MSL2: variants seen among roughly 807,000 people sequenced by gnomAD.
MSL2 encodes the protein E3 ubiquitin-protein ligase MSL2.
MSL2 carries 2 observed loss-of-function variants against 35.8 expected under a neutral mutation model. The ratio of observed to expected loss-of-function variants is 0.06; its 90% CI spans 0.02 to 0.18. MSL2 has a LOEUF of 0.18. Ranked by LOEUF, MSL2 falls within the 10% of genes least tolerant of loss-of-function variation. The pLI, the probability that MSL2 is intolerant of heterozygous loss-of-function variation, is 1.00. For missense variants in MSL2, 523 were observed against 706.7 expected, an observed-to-expected ratio of 0.74 and a Z score of 2.95; for synonymous variants, 296 against 255.7, an observed-to-expected ratio of 1.16 and a Z score of -1.50.
At chr3:136,174,855 G>A in intron 1 of MSL2, among the ~76,000 whole-genome samples, 1 of 152,230 alleles carries the variant, frequency 6.6e-6, no homozygotes, top group Middle Eastern at 3.4e-3. Context: ...TATTAAATGT[G>A]TATGCATAAT....
rs111827615 is a variant in MSL2, at chr3:136,152,263, A to G, written c.618T>C (p.Gly206=). ...TYNGLSIDRF[G]INIPSPEHSN... ...AATGTTCAGGTGAAGGAATATTTAT[A>G]CCAAATCTATCTATTGAAAGCCCAT... is the stretch of plus-strand genomic sequence containing the variant. Residue 206 remains glycine (G), a synonymous_variant, in exon 2 of 2, where the codon GGT becomes GGC. Transcript: ENST00000309993. 91 of 1,614,088 alleles carry G rather than the reference A, an allele frequency of 5.6e-5. 1 individual carries two copies. The African/African-American group carries it at 9.6e-4, about 17-fold the overall frequency.
intron 1 of MSL2, among the ~76,000 whole-genome samples, chr3:136,192,917 T>A (rs1280338963): frequency 6.6e-6 from 1 of 152,180 alleles, no homozygotes; most frequent in Admixed American, 6.6e-5. Flanking sequence ...ATTTTTTTTC[T>A]ATGTCTTTAT....
In MSL2 at chr3:136,195,147, A is replaced by G; in HGVS notation, c.-34T>C. The G allele has an allele frequency of 6.4e-7, 1 of 1,568,794 alleles. No individual in the cohort carries two copies. Among genetic ancestry groups the G allele is most frequent in the Non-Finnish European group, 8.6e-7 (1 of 1,159,502 alleles). On this transcript the variant is annotated 5_prime_UTR_variant, in exon 1 of 2. Coordinates refer to ENST00000309993, the MANE Select transcript of MSL2 (RefSeq NM_018133.4). ...CTTCGACACCAATGGCTCCCGGTTG[A>G]AAAGAAATTCCGGATCCAACTTAGT...
chr3:136,162,061 C>A (rs1047829931), intron 1 of MSL2, among the ~76,000 whole-genome samples: 1 of 151,720 alleles, frequency 6.6e-6, no homozygotes, highest in Non-Finnish European at 1.5e-5. Flanking sequence ...CCTCAGTCTC[C>A]CGAGTAGCTG....
intron 1 of MSL2, among the ~76,000 whole-genome samples, chr3:136,166,547 T>C (rs1226273230): frequency 6.6e-6 from 1 of 152,174 alleles, no homozygotes; most frequent in Non-Finnish European, 1.5e-5. Context: ...ATCATTCAAA[T>C]AATTACAGTA....
At chr3:136,177,525 C>A (rs1202658368) in intron 1 of MSL2, among the ~76,000 whole-genome samples, 1 of 151,250 alleles carries the variant, frequency 6.6e-6, no homozygotes, top group Non-Finnish European at 1.5e-5. Context: ...ATACAAAAAA[C>A]AAAATTAGCC....
intron 1 of MSL2, among the ~76,000 whole-genome samples, chr3:136,156,443 G>T (rs1939524746): frequency 6.6e-6 from 1 of 152,174 alleles, no homozygotes; most frequent in Non-Finnish European, 1.5e-5. Flanking sequence ...GGAAAGGCAA[G>T]TTTCCATCAT....
At chr3:136,190,964 C>G (rs1181772324) in intron 1 of MSL2, among the ~76,000 whole-genome samples, 2 of 152,148 alleles carry the variant, frequency 1.3e-5, no homozygotes, top group African/African-American at 4.8e-5. Context: ...AATTGAAAAA[C>G]AAGCAGTGAT....
intron 1 of MSL2, among the ~76,000 whole-genome samples, chr3:136,186,024 C>CA (rs1940512597): frequency 6.6e-6 from 1 of 152,138 alleles, no homozygotes; most frequent in African/African-American, 2.4e-5. Context: ...ATATTTAGCT[C>CA]AATTACCACA....
chr3:136,163,312 G>A (rs1939760675), intron 1 of MSL2, among the ~76,000 whole-genome samples: 1 of 152,114 alleles, frequency 6.6e-6, no homozygotes, highest in Non-Finnish European at 1.5e-5. Flanking sequence ...AATTTCAACT[G>A]GACTTAACAC....
intron 1 of MSL2, among the ~76,000 whole-genome samples, chr3:136,159,640 G>A (rs967348987): frequency 6.6e-6 from 1 of 151,464 alleles, no homozygotes; most frequent in Non-Finnish European, 1.5e-5. Flanking sequence ...AAAGTGCTGC[G>A]ATTACAGGCG....
intron 1 of MSL2, chr3:136,194,359 A>G (rs1940774812): frequency 2.5e-5 from 24 of 968,320 alleles, no homozygotes; most frequent in Non-Finnish European, 2.8e-5. Context: ...AGTATATTAA[A>G]CCACAAAATG....
chr3:136,178,293 C>T (rs1940239432), intron 1 of MSL2, among the ~76,000 whole-genome samples: 1 of 152,138 alleles, frequency 6.6e-6, no homozygotes. Context: ...AAAATTATTA[C>T]CTATAAGATA....
chr3:136,175,322 C>A (rs868774266), intron 1 of MSL2, among the ~76,000 whole-genome samples: 3 of 148,242 alleles, frequency 2.0e-5, no homozygotes, highest in African/African-American at 7.5e-5. Context: ...CCAGCCTGGG[C>A]GACAGAGCAA....
At chr3:136,176,821 T>C (rs951071037) in intron 1 of MSL2, among the ~76,000 whole-genome samples, 3 of 152,108 alleles carry the variant, frequency 2.0e-5, no homozygotes, top group Admixed American at 2.0e-4. Context: ...GGCACCATAC[T>C]CCCTGTACAG....
intron 1 of MSL2, among the ~76,000 whole-genome samples, chr3:136,178,465 C>T (rs919578071): frequency 1.3e-5 from 2 of 151,696 alleles, no homozygotes; most frequent in Non-Finnish European, 2.9e-5. Context: ...AATACATTAG[C>T]ATCTTAAAAC....
chr3:136,186,294 T>C (rs1269845526), intron 1 of MSL2, among the ~76,000 whole-genome samples: 3 of 152,228 alleles, frequency 2.0e-5, no homozygotes, highest in Admixed American at 6.5e-5. Context: ...AGCATCTCGC[T>C]TGAATACCAA....
At chr3:136,171,219 T>C (rs1940018682) in intron 1 of MSL2, among the ~76,000 whole-genome samples, 1 of 152,208 alleles carries the variant, frequency 6.6e-6, no homozygotes, top group Non-Finnish European at 1.5e-5. Context: ...GTCAGATTCC[T>C]AGGCATGCAA....
At chr3:136,166,923 C>A (rs1559962816) in intron 1 of MSL2, among the ~76,000 whole-genome samples, 1 of 152,186 alleles carries the variant, frequency 6.6e-6, no homozygotes, top group African/African-American at 2.4e-5. Flanking sequence ...GATGTGCAGA[C>A]TACCAAGTAA....
Sources: gnomAD v4.1 joint callset for allele counts (sites outside exome capture counted in the v4.1 genomes callset) on GRCh38, gnomAD v4.1.1 for gene constraint, MANE v1.5 for transcripts, NCBI Gene and HGNC (gene_info 2026-07-23, HGNC 2026-07-21) for gene names.